The following TMEM132C variants were observed in gnomAD, a reference collection of about 807,000 sequenced individuals.
The protein encoded by TMEM132C is protein phosphatase 1, regulatory subunit 152.
TMEM132C carries 29 observed loss-of-function variants against 61.4 expected under a neutral mutation model. The observed-to-expected ratio is 0.47, with a 90% confidence interval of 0.35 to 0.64. The LOEUF (loss-of-function observed/expected upper bound fraction) is 0.64, where lower values mean the gene tolerates loss of function less well. Among genes scored for constraint, TMEM132C ranks in the 30% least tolerant of loss-of-function variants. The pLI is 0.00. For synonymous variants in TMEM132C, 656 were observed against 633.1 expected, an observed-to-expected ratio of 1.04 and a Z score of -0.54; for missense variants, 1,408 against 1,476.9, an observed-to-expected ratio of 0.95 and a Z score of 0.76.
chr12:128,412,465 C>G (rs1286861607), intron 1 of TMEM132C, among the ~76,000 whole-genome samples: 1 of 152,116 alleles, frequency 6.6e-6, no homozygotes. Flanking sequence ...CAAATCTCAC[C>G]TTGAATTGTA....
At chr12:128,488,341 G>A (rs1054468395) in intron 2 of TMEM132C, among the ~76,000 whole-genome samples, 4 of 152,302 alleles carry the variant, frequency 2.6e-5, no homozygotes, top group East Asian at 1.9e-4. Flanking sequence ...TTAACATTAT[G>A]CATATAATAT....
chr12:128,605,811 C>T (rs1876403104), intron 3 of TMEM132C, among the ~76,000 whole-genome samples: 1 of 152,194 alleles, frequency 6.6e-6, no homozygotes, highest in South Asian at 2.1e-4. Flanking sequence ...AATTTATACT[C>T]ATTGGAGAGC....
intron 5 of TMEM132C, among the ~76,000 whole-genome samples, chr12:128,685,117 A>G (rs1954663978): frequency 6.6e-6 from 1 of 152,210 alleles, no homozygotes. Context: ...GGGCTCTGCC[A>G]ATCCCTGCTT....
intron 4 of TMEM132C, among the ~76,000 whole-genome samples, chr12:128,665,821 T>A (rs1264844862): frequency 8.0e-4 from 31 of 38,702 alleles, no homozygotes; most frequent in East Asian, 1.6e-3. Flanking sequence ...ACACACACAT[T>A]CACAGGCACT....
At chr12:128,316,186 C>T (rs35161921) in intron 1 of TMEM132C, among the ~76,000 whole-genome samples, 68 of 151,970 alleles carry the variant, frequency 4.5e-4, no homozygotes, top group African/African-American at 1.4e-3. Flanking sequence ...CATATTACCA[C>T]GCTTTGTCAC....
chr12:128,407,424 A>G (rs1313858607), intron 1 of TMEM132C, among the ~76,000 whole-genome samples: 1 of 152,244 alleles, frequency 6.6e-6, no homozygotes, highest in East Asian at 1.9e-4. Flanking sequence ...TCAATTCTTG[A>G]TGACTGCTGG....
chr12:128,572,379 G>A (rs1286467428), intron 3 of TMEM132C, among the ~76,000 whole-genome samples: 2 of 149,698 alleles, frequency 1.3e-5, no homozygotes, highest in Non-Finnish European at 3.0e-5. Context: ...GCTGATCTCT[G>A]ATTAGTCAGA....
At chr12:128,551,897 C>T (rs532943117) in intron 3 of TMEM132C, among the ~76,000 whole-genome samples, 7 of 152,178 alleles carry the variant, frequency 4.6e-5, no homozygotes, top group African/African-American at 1.7e-4. Context: ...TTGATTCGAA[C>T]GTTGCACCTT....
At chr12:128,340,916 TTCTCTCTCTCTCTCTC>T (rs71989914) in intron 1 of TMEM132C, among the ~76,000 whole-genome samples, 1 of 128,270 alleles carries the variant, frequency 7.8e-6, no homozygotes, top group Non-Finnish European at 1.6e-5. Flanking sequence ...CTCTCTCTCT[TTCTCTCTCTCTCTCTC>T]TCTCTCTCTC....
intron 1 of TMEM132C, among the ~76,000 whole-genome samples, chr12:128,323,538 G>C (rs755384677): frequency 6.6e-6 from 1 of 152,184 alleles, no homozygotes; most frequent in South Asian, 2.1e-4. Context: ...AGCAAGAGGC[G>C]AATCTTTGCT....
Position 128,515,574 on chromosome 12 carries a change from C to A in TMEM132C, c.975-28383C>A, listed in dbSNP as rs144623544. 3.3e-5 allele frequency among the ~76,000 whole-genome samples: 5 copies of A among 152,326 alleles called. No homozygotes were observed. In the East Asian group the frequency reaches 9.7e-4, roughly 29 times the overall value. The stretch of plus-strand genomic sequence containing the variant: ...TTTGGCTCGGCACAGTGGCTCACGC[C>A]TGTAATCCCAGCACTTTGGGAGGCC... On this transcript the variant is annotated intron_variant, in intron 2 of 8. Transcript: ENST00000435159.
chr12:128,323,812 G>A (rs975868712), intron 1 of TMEM132C, among the ~76,000 whole-genome samples: 2 of 152,158 alleles, frequency 1.3e-5, no homozygotes, highest in African/African-American at 2.4e-5. Context: ...TTGAGGGGAC[G>A]CTTGGGTACC....
chr12:128,665,094 TACAC>T (rs1954443255), intron 4 of TMEM132C, among the ~76,000 whole-genome samples: 1 of 140,730 alleles, frequency 7.1e-6, no homozygotes, highest in African/African-American at 2.7e-5. Flanking sequence ...CACTCACACA[TACAC>T]AGGCACACAC....
In TMEM132C at chr12:128,484,452, C is replaced by A. The variant is rs1020658603; in HGVS notation, c.975-59505C>A. Among the ~76,000 whole-genome samples, 5 of 152,268 alleles carry A rather than the reference C, an allele frequency of 3.3e-5. No individual in the cohort carries two copies. The East Asian group carries it at 9.7e-4, about 29-fold the overall frequency. On this transcript the variant is annotated intron_variant, in intron 2 of 8. Coordinates refer to ENST00000435159, the MANE Select transcript of TMEM132C (RefSeq NM_001136103.3). ...AGGCAGGTACAATCTCTGGGACCTT[C>A]CATGTTCCATATATGATGATATGTA...
intron 2 of TMEM132C, among the ~76,000 whole-genome samples, chr12:128,425,529 C>G (rs1345296554): frequency 6.6e-6 from 1 of 152,232 alleles, no homozygotes; most frequent in Non-Finnish European, 1.5e-5. Flanking sequence ...TGCCTCAAAG[C>G]AGAAGGATGC....
intron 2 of TMEM132C, among the ~76,000 whole-genome samples, chr12:128,535,695 C>T (rs182610024): frequency 1.6e-4 from 25 of 152,200 alleles, no homozygotes; most frequent in Admixed American, 7.8e-4. Context: ...AGTGAAACCC[C>T]GTCTCTACTA....
At chr12:128,546,472 A>G (rs1033216155) in intron 3 of TMEM132C, among the ~76,000 whole-genome samples, 3 of 151,910 alleles carry the variant, frequency 2.0e-5, no homozygotes, top group African/African-American at 4.8e-5. Context: ...TCCTGTGGCC[A>G]CCCTGTTTGT....
At chr12:128,488,200 C>T (rs964560041) in intron 2 of TMEM132C, among the ~76,000 whole-genome samples, 7 of 152,178 alleles carry the variant, frequency 4.6e-5, no homozygotes, top group Admixed American at 2.6e-4. Flanking sequence ...TGGCATGTGG[C>T]TAGTTGTTAA....
At chr12:128,313,594 T>C (rs1189735210) in intron 1 of TMEM132C, among the ~76,000 whole-genome samples, 1 of 152,220 alleles carries the variant, frequency 6.6e-6, no homozygotes, top group Non-Finnish European at 1.5e-5. Flanking sequence ...GAACTTTCTT[T>C]TCTCCAAGGT....
Sources: gnomAD v4.1 joint callset for allele counts (sites outside exome capture counted in the v4.1 genomes callset) on GRCh38, gnomAD v4.1.1 for gene constraint, MANE v1.5 for transcripts, NCBI Gene and HGNC (gene_info 2026-07-23, HGNC 2026-07-21) for gene names.